The following LRRN2 variants were observed in gnomAD, a reference collection of about 807,000 sequenced individuals.
LRRN2 encodes leucine-rich repeat neuronal protein 2.
Under a neutral mutation model 35.7 loss-of-function variants are expected in LRRN2, and 10 were observed. The observed-to-expected ratio is 0.28, with a 90% CI of 0.17 to 0.47. The LOEUF is 0.47. LRRN2 is among the 20% of genes least tolerant of loss of function. The probability of loss-of-function intolerance (pLI) is 0.99; values close to 1 mark genes in which losing one functional copy is unlikely to be tolerated. For synonymous variants in LRRN2, 391 were observed against 409.6 expected (o/e 0.95, Z 0.55); for missense variants, 731 against 940.3 (o/e 0.78, Z 2.91).
intron 1 of LRRN2, among the ~76,000 whole-genome samples, chr1:204,638,402 CTTTTTTTTTTTTTTTTT>C (rs971289134): frequency 4.2e-5 from 3 of 71,676 alleles, no homozygotes; most frequent in South Asian, 5.9e-4. Flanking sequence ...CAAGGTCTTC[CTTTTTTTTTTTTTTTTT>C]TTTTTTTTTT....
chr1:204,647,095 A>C (rs1255610418), intron 1 of LRRN2, among the ~76,000 whole-genome samples: 1 of 152,034 alleles, frequency 6.6e-6, no homozygotes, highest in Non-Finnish European at 1.5e-5. Context: ...GTGCCCAAGA[A>C]CTTGGCCTGC....
chr1:204,663,121 A>G (rs1282124723), intron 1 of LRRN2, among the ~76,000 whole-genome samples: 1 of 152,064 alleles, frequency 6.6e-6, no homozygotes, highest in Non-Finnish European at 1.5e-5. Context: ...CCCCATTTGG[A>G]CCATGAACTG....
intron 1 of LRRN2, among the ~76,000 whole-genome samples, chr1:204,622,518 G>A (rs186265476): frequency 1.6e-3 from 243 of 152,314 alleles, no homozygotes; most frequent in Middle Eastern, 3.4e-3. Context: ...GCACCGACAC[G>A]TAAAACTCAG....
In LRRN2 at chr1:204,623,100, A is replaced by G. The variant is rs114896004; in HGVS notation, c.-226-2882T>C. Among the ~76,000 whole-genome samples, 991 of 152,234 alleles carry G rather than the reference A, an allele frequency of 6.5e-3. 14 individuals are homozygous for G. Among genetic ancestry groups the G allele is most frequent in the African/African-American group, 0.023 (949 of 41,520 alleles). ...CCATGCTAGTTGGGGAGGCAGGTTC[A>G]AAAACACGAAACAACTAGGAGAGCC... On this transcript the variant is annotated intron_variant, in intron 1 of 1. Coordinates refer to ENST00000367177, the MANE Select transcript of LRRN2 (RefSeq NM_201630.2).
At chr1:204,636,813 C>G (rs1667846569) in intron 1 of LRRN2, among the ~76,000 whole-genome samples, 1 of 152,094 alleles carries the variant, frequency 6.6e-6, no homozygotes, top group African/African-American at 2.4e-5. Flanking sequence ...CCACTCTAGA[C>G]CAATTAAATC....
chr1:204,683,070 TG>T (rs1290169747), intron 1 of LRRN2: 1 of 152,230 alleles, frequency 6.6e-6, no homozygotes, highest in African/African-American at 2.4e-5. Flanking sequence ...TTAAAAGCCA[TG>T]GAGTTTCCTT....
intron 1 of LRRN2, among the ~76,000 whole-genome samples, chr1:204,645,197 C>T (rs191076103): frequency 8.5e-5 from 13 of 152,298 alleles, no homozygotes; most frequent in East Asian, 1.9e-4. Context: ...GAAACTGAGG[C>T]GGCTTATTTG....
rs185465065 is a variant in LRRN2, at chr1:204,679,063, T to A, written c.-227+6257A>T. ...GGCTGAGGCCTGGTGGCGCTCGAGATGGGCAGTGGACAGGATGATTCTGCA... is the reference window on the plus strand; with the variant it reads ...GGCTGAGGCCTGGTGGCGCTCGAGAAGGGCAGTGGACAGGATGATTCTGCA... On this transcript the variant is annotated intron_variant, in intron 1 of 1. Transcript: ENST00000367177. 1.7e-4 allele frequency among the ~76,000 whole-genome samples: 26 copies of A among 152,252 alleles called. No homozygotes were observed. In the East Asian group the frequency reaches 4.4e-3, roughly 26 times the overall value.
intron 1 of LRRN2, among the ~76,000 whole-genome samples, chr1:204,656,619 T>G (rs999432884): frequency 1.3e-5 from 2 of 152,256 alleles, no homozygotes; most frequent in Admixed American, 1.3e-4. Flanking sequence ...CATGTCTTTA[T>G]TGAGCCTCCA....
chr1:204,647,583 G>A (rs1465157404), intron 1 of LRRN2, among the ~76,000 whole-genome samples: 1 of 152,190 alleles, frequency 6.6e-6, no homozygotes, highest in Non-Finnish European at 1.5e-5. Context: ...AAGAAGGTAA[G>A]AGGGAAGGGG....
chr1:204,619,305 C>A lies in LRRN2; in HGVS notation c.688G>T (p.Asp230Tyr). 1 of 1,614,150 alleles carries A rather than the reference C, an allele frequency of 6.2e-7. No individual in the cohort carries two copies. Among genetic ancestry groups the A allele is most frequent in the Non-Finnish European group, 8.5e-7 (1 of 1,180,038 alleles). The change falls in exon 2 of 2, where the codon GAC (aspartate) becomes TAC (tyrosine). Residue 230 changes from aspartate (D) to tyrosine (Y), a missense_variant. Coordinates refer to ENST00000367177, the MANE Select transcript of LRRN2 (RefSeq NM_201630.2). ...CTTTGCAGCCCCTCCAGGGCATAGT[C>A]GGAGATCTCCCGCAGGTTCATGCCT... ...LAGMNLREIS[D>Y]YALEGLQSLE...
At chr1:204,641,940 C>T (rs1373848364) in intron 1 of LRRN2, among the ~76,000 whole-genome samples, 1 of 152,256 alleles carries the variant, frequency 6.6e-6, no homozygotes, top group African/African-American at 2.4e-5. Flanking sequence ...TATGCACCCT[C>T]CTCTCTGCAG....
rs1669055409 is a variant in LRRN2, at chr1:204,685,636, C to G, written c.-543G>C. On this transcript the variant is annotated 5_prime_UTR_variant, in exon 1 of 2. Transcript: ENST00000367177. The stretch of plus-strand genomic sequence containing the variant: ...GAGAGCGCCGCGCGTTCGCAGGTGC[C>G]CGGAGCAGGCCCTCGCGGCGCCCGG... 6.6e-6 allele frequency: 1 copy of G among 151,920 alleles called. No individual in the cohort carries two copies. The highest frequency in any genetic ancestry group is 6.5e-5 in the Admixed American group (1 of 15,272). 9.4% of individuals were successfully genotyped at this position (151,920 alleles called of 1,614,324 possible).
In LRRN2 at chr1:204,626,534, C is replaced by T. The variant is rs370768940; in HGVS notation, c.-226-6316G>A. The stretch of plus-strand genomic sequence containing the variant: ...AAACCCATCCCAAATGCCACCTCCC[C>T]TGTGACGCTTTCCCTTAGAGAAGAG... On this transcript the variant is annotated intron_variant, in intron 1 of 1. Coordinates refer to ENST00000367177, the MANE Select transcript of LRRN2 (RefSeq NM_201630.2). Among the ~76,000 whole-genome samples the T allele has an allele frequency of 5.0e-4, 76 of 152,284 alleles. No homozygotes were observed. In the South Asian group the frequency reaches 0.016, roughly 32 times the overall value.
At chr1:204,643,390 A>G (rs11240237) in intron 1 of LRRN2, among the ~76,000 whole-genome samples, 82,215 of 151,988 alleles carry the variant, frequency 0.54, 23,577 homozygotes, top group East Asian at 0.68. Flanking sequence ...AGCTTTTATC[A>G]ACTTTTGAGA....
At position 204,617,595 on chromosome 1, in the gene LRRN2, T is replaced by A; in HGVS notation, c.*256A>T. Reference sequence around the variant, plus strand: ...GAGAAGATGGGGAGGCAGGAGGCTCTAGCCAAAGTCCCTCCTGTTCCTTGG... The same window carrying A: ...GAGAAGATGGGGAGGCAGGAGGCTCAAGCCAAAGTCCCTCCTGTTCCTTGG... On this transcript the variant is annotated 3_prime_UTR_variant, in exon 2 of 2. Transcript: ENST00000367177. 2.0e-6 allele frequency: 1 copy of A among 494,496 alleles called. No individual in the cohort carries two copies. Among genetic ancestry groups the A allele is most frequent in the Non-Finnish European group, 3.6e-6 (1 of 275,930 alleles). 30.6% of individuals were successfully genotyped at this position (494,496 alleles called of 1,614,324 possible). A position where few individuals can be genotyped will look rare whatever the true frequency, so the allele number is the denominator to read the frequency against.
At chr1:204,633,018 CTT>C (rs1166532008) in intron 1 of LRRN2, 1 of 152,104 alleles carries the variant, frequency 6.6e-6, no homozygotes, top group African/African-American at 2.4e-5. Context: ...GTATTGGAAA[CTT>C]ATTCCCCAGT....
chr1:204,623,635 C>T (rs191538443), intron 1 of LRRN2, among the ~76,000 whole-genome samples: 1 of 152,244 alleles, frequency 6.6e-6, no homozygotes, highest in African/African-American at 2.4e-5. Flanking sequence ...CCCGCTCATG[C>T]AGGCTGATTA....
intron 1 of LRRN2, chr1:204,621,091 G>T (rs999218888): frequency 5.4e-5 from 9 of 167,066 alleles, no homozygotes; most frequent in African/African-American, 1.9e-4. Context: ...TATTGCTTTG[G>T]TGTTTGCCAA....
Sources: gnomAD v4.1 joint callset for allele counts (sites outside exome capture counted in the v4.1 genomes callset) on GRCh38, gnomAD v4.1.1 for gene constraint, MANE v1.5 for transcripts, NCBI Gene and HGNC (gene_info 2026-07-23, HGNC 2026-07-21) for gene names.